Variants in FAT3 observed in about 807,000 individuals in gnomAD.
The protein encoded by FAT3 is protocadherin Fat 3.
Under a neutral mutation model 310.2 loss-of-function variants are expected in FAT3, and 95 were observed. The observed-to-expected ratio is 0.31, with a 90% confidence interval of 0.26 to 0.36. FAT3 has a LOEUF of 0.36. Among genes scored for constraint, FAT3 ranks in the 10% least tolerant of loss-of-function variants. FAT3 has a pLI of 1.00. For synonymous variants in FAT3, 2,314 were observed against 2,192.9 expected (o/e 1.06, Z -1.54); for missense variants, 5,408 against 5,715.6 (o/e 0.95, Z 1.74).
intron 1 of FAT3, among the ~76,000 whole-genome samples, chr11:92,257,469 C>T (rs16917245): frequency 2.6e-5 from 4 of 151,854 alleles, no homozygotes; most frequent in East Asian, 3.9e-4. Flanking sequence ...TCTCTTGGGT[C>T]GGACATAATT....
chr11:92,342,154 A>T (rs1342595759), intron 1 of FAT3, among the ~76,000 whole-genome samples: 1 of 152,140 alleles, frequency 6.6e-6, no homozygotes, highest in African/African-American at 2.4e-5. Context: ...CTGAATTATT[A>T]TTCTCTCATA....
chr11:92,529,502 G>A (rs1953995311), intron 3 of FAT3, among the ~76,000 whole-genome samples: 2 of 152,094 alleles, frequency 1.3e-5, no homozygotes, highest in Admixed American at 1.3e-4. Context: ...TTCTGAGTTT[G>A]ATAATAGTTA....
chr11:92,670,528 CT>C (rs944483870), intron 3 of FAT3, among the ~76,000 whole-genome samples: 1 of 152,190 alleles, frequency 6.6e-6, no homozygotes, highest in African/African-American at 2.4e-5. Context: ...ATGTGTCGAA[CT>C]GCCTTGTTTG....
At chr11:92,250,051 A>T (rs746250099) in intron 1 of FAT3, among the ~76,000 whole-genome samples, 1 of 152,134 alleles carries the variant, frequency 6.6e-6, no homozygotes, top group African/African-American at 2.4e-5. Flanking sequence ...TAATAATTTT[A>T]TGAGTTGAAG....
At chr11:92,521,859 G>T (rs1037719389) in intron 2 of FAT3, among the ~76,000 whole-genome samples, 1 of 152,076 alleles carries the variant, frequency 6.6e-6, no homozygotes, top group Admixed American at 6.6e-5. Context: ...ATCCCCTTCT[G>T]GTTCTAGAGT....
At chr11:92,356,630 A>C (rs531018922) in intron 2 of FAT3, among the ~76,000 whole-genome samples, 6 of 152,294 alleles carry the variant, frequency 3.9e-5, no homozygotes, top group Non-Finnish European at 8.8e-5. Flanking sequence ...TAATGCCATC[A>C]TTAAGGCTGT....
intron 2 of FAT3, among the ~76,000 whole-genome samples, chr11:92,380,387 GACA>G (rs1320261106): frequency 6.6e-6 from 1 of 152,086 alleles, no homozygotes; most frequent in Non-Finnish European, 1.5e-5. Context: ...CCTCTTCCAA[GACA>G]ACAAGACTTG....
At chr11:92,859,078 G>C in intron 20 of FAT3, 87 bp from the exon 21 acceptor site, 1 of 1,296,850 alleles carries the variant, frequency 7.7e-7, no homozygotes, top group Non-Finnish European at 1.1e-6. Flanking sequence ...TAATCAACTT[G>C]GTTGGTGGTT....
At chr11:92,739,838 G>T (rs901964163) in intron 4 of FAT3, among the ~76,000 whole-genome samples, 1 of 152,168 alleles carries the variant, frequency 6.6e-6, no homozygotes, top group Non-Finnish European at 1.5e-5. Context: ...AATAGAAACA[G>T]CTTTGGCTCC....
intron 3 of FAT3, among the ~76,000 whole-genome samples, chr11:92,579,906 A>T (rs11020013): frequency 4.6e-5 from 7 of 151,990 alleles, no homozygotes; most frequent in Admixed American, 2.0e-4. Context: ...CAGTAATTAT[A>T]TACTCTCTGA....
intron 3 of FAT3, among the ~76,000 whole-genome samples, chr11:92,567,384 C>G (rs1020149497): frequency 1.3e-5 from 2 of 150,850 alleles, no homozygotes; most frequent in African/African-American, 4.9e-5. Context: ...AGTCAGGAAT[C>G]AACAGGTGCT....
intron 2 of FAT3, among the ~76,000 whole-genome samples, chr11:92,435,807 T>G (rs1950924327): frequency 6.6e-6 from 1 of 152,134 alleles, no homozygotes; most frequent in Non-Finnish European, 1.5e-5. Flanking sequence ...CCTCAGGTGA[T>G]CCACCTGCCT....
At position 92,892,321 on chromosome 11, in the gene FAT3, G is replaced by T. The variant is rs1949932115; in HGVS notation, c.*1208G>T. On this transcript the variant is annotated 3_prime_UTR_variant, in exon 28 of 28. Transcript: ENST00000525166. ...GCATGGCATACCTTTCAATTTCTCT[G>T]ATCTCTATGGTGTTAGAGAAACATC... The T allele has an allele frequency of 6.6e-6, 1 of 151,990 alleles. No individual in the cohort carries two copies. The highest frequency in any genetic ancestry group is 6.6e-5 in the Admixed American group (1 of 15,262). 9.4% of individuals were successfully genotyped at this position (151,990 alleles called of 1,614,324 possible).
At chr11:92,501,836 A>G (rs1376388715) in intron 2 of FAT3, among the ~76,000 whole-genome samples, 1 of 151,970 alleles carries the variant, frequency 6.6e-6, no homozygotes, top group African/African-American at 2.4e-5. Context: ...GAATTTTGAC[A>G]TGTGCAAATT....
chr11:92,643,808 G>A (rs549057186), intron 3 of FAT3, among the ~76,000 whole-genome samples: 1 of 152,276 alleles, frequency 6.6e-6, no homozygotes, highest in Non-Finnish European at 1.5e-5. Context: ...GTTCTCATAC[G>A]GTATTGGGTA....
In FAT3 at chr11:92,720,594, G is replaced by A. The variant is rs551308311; in HGVS notation, c.3669+23149G>A. Among the ~76,000 whole-genome samples the A allele has an allele frequency of 7.9e-5, 12 of 152,312 alleles. No individual in the cohort carries two copies. The South Asian group carries it at 1.0e-3, about 13-fold the overall frequency. ...CTTTTGACAGTATTCCACATTGGAC[G>A]AAAGTGTGGTGAAAAGTGTTTTCTA... On this transcript the variant is annotated intron_variant, in intron 4 of 27. Coordinates refer to ENST00000525166, the MANE Select transcript of FAT3 (RefSeq NM_001367949.2).
intron 17 of FAT3, among the ~76,000 whole-genome samples, chr11:92,839,941 C>T (rs994638491): frequency 2.0e-5 from 3 of 152,152 alleles, no homozygotes; most frequent in African/African-American, 7.2e-5. Flanking sequence ...TTAAGGATTC[C>T]TGTTCTGTTC....
chr11:92,471,629 CT>C (rs1433809824), intron 2 of FAT3, among the ~76,000 whole-genome samples: 10 of 152,044 alleles, frequency 6.6e-5, no homozygotes, highest in African/African-American at 2.2e-4. Flanking sequence ...TGGAGGACAA[CT>C]TAGCCATATG....
intron 4 of FAT3, among the ~76,000 whole-genome samples, chr11:92,760,042 G>C (rs1946104678): frequency 6.6e-6 from 1 of 152,168 alleles, no homozygotes; most frequent in African/African-American, 2.4e-5. Flanking sequence ...TGTAACATTT[G>C]CGTTCACCAG....
Sources: gnomAD v4.1 joint callset for allele counts (sites outside exome capture counted in the v4.1 genomes callset) on GRCh38, gnomAD v4.1.1 for gene constraint, MANE v1.5 for transcripts, NCBI Gene and HGNC (gene_info 2026-07-23, HGNC 2026-07-21) for gene names.